The following MUC13 variants were observed in gnomAD, a reference collection of about 807,000 sequenced individuals.
MUC13 encodes the protein mucin-13.
MUC13 carries 32 observed loss-of-function variants against 48.3 expected under a neutral mutation model. The ratio of observed to expected loss-of-function variants is 0.66; its 90% confidence interval spans 0.50 to 0.89. The LOEUF (loss-of-function observed/expected upper bound fraction) is 0.89, where lower values mean the gene tolerates loss of function less well. Among genes scored for constraint, MUC13 ranks in the 40% least tolerant of loss-of-function variants. The pLI is 0.00. For synonymous variants in MUC13, 199 were observed against 224.9 expected (o/e 0.88, Z 1.03); for missense variants, 571 against 622.8 (o/e 0.92, Z 0.88).
intron 6 of MUC13, among the ~76,000 whole-genome samples, chr3:124,915,528 C>T (rs984027165): frequency 3.9e-5 from 6 of 152,160 alleles, no homozygotes; most frequent in Non-Finnish European, 7.3e-5. Flanking sequence ...TTAAGCCTGG[C>T]CCAGATCAGC....
At chr3:124,924,256 CTG>C (rs1935652632) in intron 2 of MUC13, among the ~76,000 whole-genome samples, 2 of 152,196 alleles carry the variant, frequency 1.3e-5, no homozygotes, top group Non-Finnish European at 2.9e-5. Flanking sequence ...AGTGGATCAT[CTG>C]AATAAATGGT....
intron 8 of MUC13, 53 bp from the exon 9 acceptor site, chr3:124,912,194 A>T: frequency 6.3e-7 from 1 of 1,599,888 alleles, no homozygotes; most frequent in Non-Finnish European, 8.5e-7. Flanking sequence ...TGTGGGGAGC[A>T]TGTCAGAGTT....
Position 124,922,229 on chromosome 3 carries a change from A to G in MUC13, c.712T>C (p.Tyr238His). Residue 238 changes from tyrosine to histidine, a missense_variant, in exon 4 of 12, where the codon TAT (tyrosine) becomes CAT (histidine). Tyr to His is a moderately conservative substitution (Grantham distance 83). Transcript: ENST00000616727. The part of the protein sequence containing the change: ...FDPEEKHSMA[Y>H]QDLHSEITSL... ...GTAATTTCACTATGCAAGTCTTGATAGGCCATGGAATGTTTCTCTTCTGGG... is the reference window on the plus strand; with the variant it reads ...GTAATTTCACTATGCAAGTCTTGATGGGCCATGGAATGTTTCTCTTCTGGG... 6.2e-7 allele frequency: 1 copy of G among 1,614,170 alleles called. No homozygotes were observed. Among genetic ancestry groups the G allele is most frequent in the Non-Finnish European group, 8.5e-7 (1 of 1,180,002 alleles).
intron 1 of MUC13, 37 bp downstream of exon 1, chr3:124,934,624 A>G: frequency 6.9e-7 from 1 of 1,457,048 alleles, no homozygotes; most frequent in Non-Finnish European, 9.6e-7. Context: ...GACAACATAC[A>G]TGATTGGAAG....
At chr3:124,910,952 T>C (rs1011041284) in intron 9 of MUC13, among the ~76,000 whole-genome samples, 3 of 152,152 alleles carry the variant, frequency 2.0e-5, no homozygotes, top group African/African-American at 4.8e-5. Context: ...AGTCTAGACG[T>C]TCATTATCAC....
intron 9 of MUC13, among the ~76,000 whole-genome samples, chr3:124,911,530 T>C (rs1322514413): frequency 6.6e-6 from 1 of 152,218 alleles, no homozygotes; most frequent in Non-Finnish European, 1.5e-5. Context: ...TTCCTTCATC[T>C]TGGAAGACTG....
chr3:124,910,360 C>T, intron 10 of MUC13, 55 bp downstream of exon 10: 1 of 1,583,026 alleles, frequency 6.3e-7, no homozygotes, highest in Admixed American at 1.8e-5. Context: ...ATAGTGAGAC[C>T]CCCCCATCTC....
At chr3:124,909,577 C>T (rs916776217) in intron 10 of MUC13, among the ~76,000 whole-genome samples, 3 of 151,846 alleles carry the variant, frequency 2.0e-5, no homozygotes, top group African/African-American at 7.3e-5. Flanking sequence ...AATCTTGGCT[C>T]ACTGCAACCT....
In MUC13 at chr3:124,927,903, G is replaced by C. The variant is rs1935725372; in HGVS notation, c.143C>G (p.Thr48Ser). 1 of 1,612,718 alleles carries C rather than the reference G, an allele frequency of 6.2e-7. No individual in the cohort carries two copies. Among genetic ancestry groups the C allele is most frequent in the South Asian group, 1.1e-5 (1 of 90,660 alleles). The change falls in exon 2 of 12, where the codon ACT becomes AGT. Residue 48 changes from threonine to serine, a missense_variant. Physicochemically the swap from Thr to Ser is moderately conservative, Grantham distance 58. Transcript: ENST00000616727. The stretch of plus-strand genomic sequence containing the variant: ...GGTGCTAGCAGTTTCAGGGAAATTA[G>C]TTTCAGTGGTATCAGCTGCAGCTAC... Reference protein sequence around the residue: ...PTVAAADTTETNFPETASTTA... With the variant: ...PTVAAADTTESNFPETASTTA...
chr3:124,916,643 A>C (rs2107669543), intron 5 of MUC13, among the ~76,000 whole-genome samples, 163 bp from the exon 6 acceptor site: 1 of 152,280 alleles, frequency 6.6e-6, no homozygotes, highest in South Asian at 2.1e-4. Context: ...AAAAGATGGC[A>C]ATGTACAGGC....
At chr3:124,922,932 T>C (rs903467894) in intron 3 of MUC13, among the ~76,000 whole-genome samples, 3 of 152,140 alleles carry the variant, frequency 2.0e-5, no homozygotes, top group Non-Finnish European at 2.9e-5. Context: ...CTTCTGTATT[T>C]GGGGTCACTT....
chr3:124,930,374 C>T (rs75399721), intron 1 of MUC13, among the ~76,000 whole-genome samples: 5,667 of 151,956 alleles, frequency 0.037, 154 homozygotes, highest in South Asian at 0.074. Flanking sequence ...CTAAAATACA[C>T]TTGTGTGTGT....
rs752591923 is a variant in MUC13, at chr3:124,912,105, G to C, written c.1251C>G (p.Asp417Glu). 2 of 1,612,750 alleles carry C rather than the reference G, an allele frequency of 1.2e-6. No individual in the cohort carries two copies. The highest frequency in any genetic ancestry group is 1.7e-6 in the Non-Finnish European group (2 of 1,179,476). ...AFGYSGLDCKDKFQLILTIVG... is the reference protein window; with the variant it reads ...AFGYSGLDCKEKFQLILTIVG... ...TAATAGCAAGACTTTCATACTCACT[G>C]TCCTTACAGTCGAGTCCACTGTAGC... Residue 417 changes from aspartate to glutamate, a missense_variant and splice_region_variant, in exon 9 of 12, where the codon GAC becomes GAG. By Grantham distance (45) the Asp-to-Glu change is conservative (BLOSUM62 2). Transcript: ENST00000616727.
chr3:124,921,949 C>T lies in MUC13; in HGVS notation c.744+248G>A, dbSNP rs151288135. Reference sequence around the variant, plus strand: ...CTGCCATGCCAGGCCAGGTGCCACGCCTCCAGGTGCAAGACCATGGGGTGG... The same window carrying T: ...CTGCCATGCCAGGCCAGGTGCCACGTCTCCAGGTGCAAGACCATGGGGTGG... On this transcript the variant is annotated intron_variant, in intron 4 of 11. Coordinates refer to ENST00000616727, the MANE Select transcript of MUC13 (RefSeq NM_033049.4). Among the ~76,000 whole-genome samples, 830 of 152,342 alleles carry T rather than the reference C, an allele frequency of 5.4e-3. 10 individuals carry two copies. Among genetic ancestry groups the T allele is most frequent in the Middle Eastern group, 0.02 (6 of 294 alleles).
intron 2 of MUC13, among the ~76,000 whole-genome samples, chr3:124,927,028 GT>G (rs1390480112): frequency 3.9e-5 from 6 of 152,192 alleles, no homozygotes; most frequent in Non-Finnish European, 7.3e-5. Context: ...GAACACTGCT[GT>G]TGTTTTGCTT....
chr3:124,920,280 C>A lies in MUC13; in HGVS notation c.754G>T (p.Val252Leu). 1 of 1,603,732 alleles carries A rather than the reference C, an allele frequency of 6.2e-7. No individual in the cohort carries two copies. The highest frequency in any genetic ancestry group is 1.1e-5 in the South Asian group (1 of 88,820). ...HSEITSLFKD[V>L]FGTSVYGQTV... Reference sequence around the variant, plus strand: ...TGTCCATAAACAGATGTGCCAAATACATCTTTAAACTGTGGAGGAAAACAG... The same window carrying A: ...TGTCCATAAACAGATGTGCCAAATAAATCTTTAAACTGTGGAGGAAAACAG... Residue 252 changes from valine to leucine, a missense_variant, in exon 5 of 12, where the codon GTA becomes TTA. Coordinates refer to ENST00000616727, the MANE Select transcript of MUC13 (RefSeq NM_033049.4).
chr3:124,914,795 A>C (rs1451112401), intron 6 of MUC13, among the ~76,000 whole-genome samples: 1 of 152,086 alleles, frequency 6.6e-6, no homozygotes, highest in Non-Finnish European at 1.5e-5. Context: ...GCGTGGTGGC[A>C]CATGCCTATA....
intron 7 of MUC13, 148 bp from the exon 8 acceptor site, chr3:124,913,388 G>A: frequency 6.9e-7 from 1 of 1,441,122 alleles, no homozygotes; most frequent in Non-Finnish European, 9.4e-7. Context: ...TGCCCCCTGT[G>A]AAGCTGGACA....
rs574420634 is a variant in MUC13 at position 124,912,154 on chromosome 3, G to A, written c.1215-13C>T. 9 of 1,612,088 alleles carry A rather than the reference G, an allele frequency of 5.6e-6. No individual in the cohort carries two copies. The highest frequency in any genetic ancestry group is 7.6e-6 in the Non-Finnish European group (9 of 1,179,130). ...GCCAAATGCACACCTGAAATACAGT[G>A]AGCAATAGGAAACAGTGTTAAAGAG... is the stretch of plus-strand genomic sequence containing the variant. On this transcript the variant is annotated splice_polypyrimidine_tract_variant and intron_variant, in intron 8 of 11. Transcript: ENST00000616727.
Sources: gnomAD v4.1 joint callset for allele counts (sites outside exome capture counted in the v4.1 genomes callset) on GRCh38, gnomAD v4.1.1 for gene constraint, MANE v1.5 for transcripts, NCBI Gene and HGNC (gene_info 2026-07-23, HGNC 2026-07-21) for gene names.